The following CCNH variants were observed in gnomAD, a reference collection of about 807,000 sequenced individuals.
CCNH encodes the protein cyclin H, also known as cyclin-H.
Under a neutral mutation model 41.9 loss-of-function variants are expected in CCNH, and 31 were observed. That is an observed-to-expected ratio of 0.74 (90% CI 0.56 to 1.00). The LOEUF (loss-of-function observed/expected upper bound fraction) is 1.00. Among genes scored for constraint, CCNH ranks in the 50% least tolerant of loss-of-function variants. The pLI is 0.00. For synonymous variants in CCNH, 138 were observed against 136.1 expected (o/e 1.01, Z -0.10); for missense variants, 362 against 388.4 (o/e 0.93, Z 0.57).
chr5:87,394,672 G>A, intron 8 of CCNH, 188 bp from the exon 9 acceptor site: 1 of 1,386,166 alleles, frequency 7.2e-7, no homozygotes, highest in Non-Finnish European at 9.3e-7. Flanking sequence ...CTCCAGTGAG[G>A]AATAAAGGTT....
At chr5:87,337,717 T>G (rs1758074810) in intron 9 of CCNH, among the ~76,000 whole-genome samples, 1 of 152,072 alleles carries the variant, frequency 6.6e-6, no homozygotes, top group Non-Finnish European at 1.5e-5. Flanking sequence ...TAACAATAAT[T>G]CAGTGATATA....
At chr5:87,372,055 C>T, downstream of CCNH, 1 of 1,350,726 alleles carries the variant, frequency 7.4e-7, no homozygotes, top group South Asian at 1.3e-5. Flanking sequence ...AAAAACCTAA[C>T]TGATGATTTG....
intron 5 of CCNH, among the ~76,000 whole-genome samples, chr5:87,402,159 G>T (rs1173954166): frequency 6.6e-6 from 1 of 152,166 alleles, no homozygotes; most frequent in Non-Finnish European, 1.5e-5. Context: ...AATAAAGCTA[G>T]GAAGCAGCAA....
chr5:87,376,253 G>C, downstream of CCNH: 1 of 935,548 alleles, frequency 1.1e-6, no homozygotes, highest in Non-Finnish European at 1.6e-6. Context: ...ACTAAATATT[G>C]AATTTGTGAT....
intron 9 of CCNH, among the ~76,000 whole-genome samples, chr5:87,323,536 T>G (rs985600891): frequency 1.3e-5 from 2 of 152,190 alleles, no homozygotes; most frequent in African/African-American, 4.8e-5. Context: ...TATTTCAGTT[T>G]GAGGAACTGA....
At chr5:87,366,488 C>A in intron 9 of CCNH, 1 of 244,470 alleles carries the variant, frequency 4.1e-6, no homozygotes. Context: ...TGAATGATTC[C>A]TATTCTGGTT....
At chr5:87,367,787 T>C (rs1760632895) in intron 9 of CCNH, among the ~76,000 whole-genome samples, 1 of 152,216 alleles carries the variant, frequency 6.6e-6, no homozygotes, top group Non-Finnish European at 1.5e-5. Context: ...GGCAGTTATT[T>C]TGCCATTTTA....
chr5:87,387,337 G>A (rs896002095), downstream of CCNH, among the ~76,000 whole-genome samples: 5 of 152,170 alleles, frequency 3.3e-5, no homozygotes, highest in African/African-American at 7.2e-5. Context: ...AATAAAAGAC[G>A]TGGATTCGGT....
Position 87,412,718 on chromosome 5 carries a change from G to C in CCNH, c.77C>G (p.Ala26Gly), listed in dbSNP as rs1764359845. The stretch of plus-strand genomic sequence containing the variant: ...GGCTTTGCATCTGAATTTGCGGTTG[G>C]CGTCAGCCCGCAGTCTTGCCAGCTG... ...EEQLARLRAD[A>G]NRKFRCKAVA... The change falls in exon 1 of 9, where the codon GCC becomes GGC. Residue 26 changes from alanine (A) to glycine (G), a missense_variant. Coordinates refer to ENST00000256897, the MANE Select transcript of CCNH (RefSeq NM_001239.4). The C allele has an allele frequency of 1.2e-6, 2 of 1,614,186 alleles. No individual in the cohort carries two copies. Among genetic ancestry groups the C allele is most frequent in the African/African-American group, 1.3e-5 (1 of 75,062 alleles).
intron 9 of CCNH, among the ~76,000 whole-genome samples, chr5:87,329,319 G>A (rs1445243405): frequency 6.6e-6 from 1 of 151,556 alleles, no homozygotes; most frequent in African/African-American, 2.4e-5. Flanking sequence ...GCATGTGTCT[G>A]CAGTCTCGGC....
chr5:87,394,309 G>A lies in CCNH; in HGVS notation c.*137C>T. Reference sequence around the variant, plus strand: ...ATGGTTTATTTTACATAAAGTTACTGTGAAAGGGAAAGAAAACAATAGAAA... The same window carrying A: ...ATGGTTTATTTTACATAAAGTTACTATGAAAGGGAAAGAAAACAATAGAAA... On this transcript the variant is annotated 3_prime_UTR_variant, in exon 9 of 9. Transcript: ENST00000256897. The A allele has an allele frequency of 1.5e-6, 2 of 1,365,242 alleles. No individual in the cohort carries two copies. The highest frequency in any genetic ancestry group is 2.0e-5 in the South Asian group (1 of 50,258). The allele number at this position is 1,365,242 out of a possible 1,614,324, so 84.6% of individuals were successfully genotyped here.
chr5:87,358,449 C>T (rs1426677057), intron 9 of CCNH, among the ~76,000 whole-genome samples: 1 of 152,100 alleles, frequency 6.6e-6, no homozygotes, highest in Non-Finnish European at 1.5e-5. Flanking sequence ...CAATTCTTCT[C>T]TTTTTTTCTT....
rs754543971 is a variant in CCNH at position 87,394,424 on chromosome 5, T to A, written c.*22A>T. ...TCCTACTTCTCTTGATTAGTTAGCA[T>A]TGAGAAATCAACTTCAAATGGTTAG... On this transcript the variant is annotated 3_prime_UTR_variant, in exon 9 of 9. Coordinates refer to ENST00000256897, the MANE Select transcript of CCNH (RefSeq NM_001239.4). 3 of 1,610,350 alleles carry A rather than the reference T, an allele frequency of 1.9e-6. No individual in the cohort carries two copies. In the South Asian group the frequency reaches 3.3e-5, roughly 18 times the overall value.
At chr5:87,340,440 C>A (rs905535022) in intron 9 of CCNH, among the ~76,000 whole-genome samples, 2 of 151,632 alleles carry the variant, frequency 1.3e-5, no homozygotes, top group Admixed American at 6.6e-5. Context: ...TAAGCCTACT[C>A]CCTTGGATAT....
upstream of CCNH, among the ~76,000 whole-genome samples, chr5:87,381,883 A>G (rs1761740838): frequency 6.6e-6 from 1 of 152,236 alleles, no homozygotes; most frequent in Non-Finnish European, 1.5e-5. Context: ...CCTACTATGT[A>G]TAATTATCAC....
intron 2 of CCNH, among the ~76,000 whole-genome samples, 191 bp downstream of exon 2, chr5:87,411,033 G>A (rs989052272): frequency 5.3e-5 from 8 of 152,078 alleles, no homozygotes; most frequent in East Asian, 3.8e-4. Flanking sequence ...AGTGAGACTT[G>A]AAATACTTTT....
exon 1 of CCNH, chr5:87,376,293 T>C: frequency 4.3e-6 from 6 of 1,389,690 alleles, no homozygotes; most frequent in Non-Finnish European, 6.0e-6. Context: ...ATGAAAAGCA[T>C]TTAACACCAT....
At chr5:87,405,104 CTA>C (rs1188217152) in intron 4 of CCNH, 97 bp from the exon 5 acceptor site, 2 of 812,534 alleles carry the variant, frequency 2.5e-6, no homozygotes, top group Non-Finnish European at 4.0e-6. Flanking sequence ...GAAATATATG[CTA>C]TAACATATCT....
intron 9 of CCNH, among the ~76,000 whole-genome samples, chr5:87,338,536 A>ATATATATATATATATATTT: frequency 2.3e-4 from 20 of 85,200 alleles, no homozygotes; most frequent in East Asian, 9.9e-4. Flanking sequence ...TATATATAAA[A>ATATATATATATATATATTT]TTTTTTTTTT....
Sources: gnomAD v4.1 joint callset for allele counts (sites outside exome capture counted in the v4.1 genomes callset) on GRCh38, gnomAD v4.1.1 for gene constraint, MANE v1.5 for transcripts, NCBI Gene and HGNC (gene_info 2026-07-23, HGNC 2026-07-21) for gene names.